Variants in DAB1 observed in about 807,000 individuals in gnomAD.
The protein encoded by DAB1 is DAB adaptor protein 1, also known as disabled homolog 1.
In DAB1, 15 loss-of-function variants were observed where a neutral mutation model predicts 64.6. The observed-to-expected ratio is 0.23, with a 90% CI of 0.16 to 0.36. The LOEUF (loss-of-function observed/expected upper bound fraction) is 0.36. Among genes scored for constraint, DAB1 ranks in the 10% least tolerant of loss-of-function variants. The probability of loss-of-function intolerance (pLI) is 1.00; values close to 1 mark genes in which losing one functional copy is unlikely to be tolerated. For missense variants in DAB1, 596 were observed against 706.7 expected, an observed-to-expected ratio of 0.84 and a Z score of 1.78; for synonymous variants, 235 against 251.9, an observed-to-expected ratio of 0.93 and a Z score of 0.64.
intron 7 of DAB1, among the ~76,000 whole-genome samples, chr1:57,592,291 G>A (rs1331637188): frequency 6.6e-6 from 1 of 152,194 alleles, no homozygotes; most frequent in Non-Finnish European, 1.5e-5. Flanking sequence ...TGACACACAG[G>A]ATTTTAACAA....
intron 5 of DAB1, among the ~76,000 whole-genome samples, chr1:57,901,961 ACG>A (rs2101996083): frequency 6.6e-6 from 1 of 151,846 alleles, no homozygotes; most frequent in African/African-American, 2.4e-5. Flanking sequence ...ACAAACAAAC[ACG>A]CGGGCAACAT....
At chr1:57,875,483 C>A (rs1433422525) in intron 1 of DAB1, among the ~76,000 whole-genome samples, 2 of 152,144 alleles carry the variant, frequency 1.3e-5, no homozygotes, top group Admixed American at 6.6e-5. Context: ...GTACCTGATA[C>A]CTTCTGGGAG....
intron 1 of DAB1, among the ~76,000 whole-genome samples, chr1:57,308,318 C>G (rs1462247486): frequency 2.0e-5 from 3 of 152,028 alleles, no homozygotes; most frequent in African/African-American, 7.2e-5. Flanking sequence ...AACGTCCATG[C>G]AAGGAGGAAT....
chr1:57,565,992 T>C (rs1645115711), intron 7 of DAB1, among the ~76,000 whole-genome samples: 1 of 152,102 alleles, frequency 6.6e-6, no homozygotes, highest in Non-Finnish European at 1.5e-5. Context: ...AGCACCACAT[T>C]GCACTTATTC....
At chr1:58,372,175 G>A (rs1455230433) in intron 3 of DAB1, among the ~76,000 whole-genome samples, 3 of 152,226 alleles carry the variant, frequency 2.0e-5, no homozygotes, top group African/African-American at 7.2e-5. Context: ...TGCAGGCACT[G>A]TACCCTGCAG....
intron 5 of DAB1, among the ~76,000 whole-genome samples, chr1:58,117,740 T>G (rs1255275006): frequency 6.6e-6 from 1 of 151,988 alleles, no homozygotes; most frequent in Non-Finnish European, 1.5e-5. Context: ...AACGGGAAAA[T>G]GAAACAAGTA....
intron 5 of DAB1, among the ~76,000 whole-genome samples, chr1:58,002,952 T>C (rs1260622249): frequency 1.3e-5 from 2 of 152,200 alleles, no homozygotes; most frequent in Non-Finnish European, 2.9e-5. Context: ...TTTATTATTA[T>C]AAAGATTAAT....
intron 6 of DAB1, among the ~76,000 whole-genome samples, chr1:57,687,612 A>AAAAAG (rs1435876125): frequency 7.4e-5 from 11 of 149,474 alleles, no homozygotes; most frequent in Middle Eastern, 3.5e-3. Flanking sequence ...AAAAAAAAAA[A>AAAAAG]AAAAAAAGAA....
intron 3 of DAB1, among the ~76,000 whole-genome samples, chr1:58,494,415 A>C (rs1645756422): frequency 6.6e-6 from 1 of 152,176 alleles, no homozygotes; most frequent in South Asian, 2.1e-4. Context: ...AAAATTGATA[A>C]ATGGGATCTA....
At chr1:57,991,361 T>C (rs1646335805) in intron 5 of DAB1, among the ~76,000 whole-genome samples, 1 of 152,296 alleles carries the variant, frequency 6.6e-6, no homozygotes, top group East Asian at 1.9e-4. Context: ...TGAGTTAAAT[T>C]CAACAAGCAT....
At chr1:57,427,315 A>G (rs868289805), upstream of DAB1, among the ~76,000 whole-genome samples, 5 of 152,206 alleles carry the variant, frequency 3.3e-5, no homozygotes, top group Non-Finnish European at 7.4e-5. Flanking sequence ...CATTGGGAAT[A>G]ATGGTGATAA....
At chr1:57,265,112 T>G (rs1239669596) in intron 2 of DAB1, among the ~76,000 whole-genome samples, 1 of 152,182 alleles carries the variant, frequency 6.6e-6, no homozygotes, top group Non-Finnish European at 1.5e-5. Context: ...CAGGATGGGA[T>G]GCCCAGCTCT....
intron 6 of DAB1, among the ~76,000 whole-genome samples, chr1:57,670,698 G>A (rs1445683978): frequency 6.6e-6 from 1 of 152,118 alleles, no homozygotes; most frequent in Non-Finnish European, 1.5e-5. Flanking sequence ...TACTCAGGTA[G>A]CCAGTGAATA....
chr1:57,546,587 G>A (rs1178649273), intron 7 of DAB1, among the ~76,000 whole-genome samples: 1 of 152,172 alleles, frequency 6.6e-6, no homozygotes, highest in Non-Finnish European at 1.5e-5. Flanking sequence ...TAAGTGACTT[G>A]ATACATGTGC....
intron 7 of DAB1, among the ~76,000 whole-genome samples, chr1:57,441,654 A>T (rs975235225): frequency 2.6e-5 from 4 of 152,068 alleles, no homozygotes; most frequent in Non-Finnish European, 5.9e-5. Flanking sequence ...ATGTGCAGCC[A>T]CCATCTATTT....
chr1:57,898,017 C>T (rs1252050451), intron 5 of DAB1, among the ~76,000 whole-genome samples: 1 of 152,080 alleles, frequency 6.6e-6, no homozygotes, highest in African/African-American at 2.4e-5. Flanking sequence ...TCCAGGGAAA[C>T]TGGTAGAAGA....
intron 6 of DAB1, among the ~76,000 whole-genome samples, chr1:57,693,395 G>T (rs982343912): frequency 2.6e-5 from 4 of 152,096 alleles, no homozygotes; most frequent in Non-Finnish European, 5.9e-5. Flanking sequence ...CTAGCTAAAG[G>T]ATTGTAAATG....
Position 57,168,787 on chromosome 1 carries a change from G to A in DAB1, c.68-23358C>T, listed in dbSNP as rs140888782. Reference sequence around the variant, plus strand: ...TAGAGAGAAATCAGCTGGGTGCAGTGATTCACACCTGTAATCTCAGCACTT... The same window carrying A: ...TAGAGAGAAATCAGCTGGGTGCAGTAATTCACACCTGTAATCTCAGCACTT... On this transcript the variant is annotated intron_variant, in intron 2 of 14. Transcript: ENST00000371236. Among the ~76,000 whole-genome samples, 18 of 152,320 alleles carry A rather than the reference G, an allele frequency of 1.2e-4. No individual in the cohort carries two copies. The East Asian group carries it at 3.5e-3, about 29-fold the overall frequency.
chr1:58,512,664 C>T (rs57318433), intron 2 of DAB1, among the ~76,000 whole-genome samples: 7 of 152,082 alleles, frequency 4.6e-5, no homozygotes, highest in Admixed American at 2.0e-4. Flanking sequence ...AAATACGAGA[C>T]GATTCCACTT....
Sources: allele counts gnomAD v4.1 joint callset (sites outside exome capture counted in the v4.1 genomes callset), GRCh38; gene constraint gnomAD v4.1.1; transcripts MANE v1.5; gene names NCBI Gene and HGNC (gene_info 2026-07-23, HGNC 2026-07-21).